ATP6V0A2: variants seen among roughly 807,000 people sequenced by gnomAD.
ATP6V0A2 encodes the protein ATPase H+ transporting V0 subunit a2.
In ATP6V0A2, 58 loss-of-function variants were observed where a neutral mutation model predicts 104.4. The ratio of observed to expected loss-of-function variants is 0.56; its 90% CI spans 0.45 to 0.69. ATP6V0A2 has a LOEUF of 0.69. ATP6V0A2 is among the 30% of genes least tolerant of loss of function. The pLI, the probability that ATP6V0A2 is intolerant of heterozygous loss-of-function variation, is 0.00. For missense variants in ATP6V0A2, 938 were observed against 1,062.9 expected (o/e 0.88, Z 1.63); for synonymous variants, 376 against 397.9 (o/e 0.95, Z 0.65).
chr12:123,751,425 C>T (rs1383343183), intron 16 of ATP6V0A2, among the ~76,000 whole-genome samples, 196 bp downstream of exon 16: 1 of 152,040 alleles, frequency 6.6e-6, no homozygotes, highest in African/African-American at 2.4e-5. Context: ...GAGGCCAAAG[C>T]GGGCAGATCA....
intron 7 of ATP6V0A2, among the ~76,000 whole-genome samples, chr12:123,734,728 G>A (rs1301428899): frequency 6.6e-6 from 1 of 152,168 alleles, no homozygotes; most frequent in Non-Finnish European, 1.5e-5. Flanking sequence ...AGCTTGCCTT[G>A]TTTCTTGCAG....
Position 123,744,874 on chromosome 12 carries a change from T to C in ATP6V0A2, c.1515-8T>C. 1 of 1,614,140 alleles carries C rather than the reference T, an allele frequency of 6.2e-7. No individual in the cohort carries two copies. The highest frequency in any genetic ancestry group is 8.5e-7 in the Non-Finnish European group (1 of 1,180,012). On this transcript the variant is annotated splice_polypyrimidine_tract_variant and splice_region_variant and intron_variant, in intron 12 of 19. Transcript: ENST00000330342. This position sits in a 1 kb window ranked among gnomAD's most constrained non-coding sequence, Gnocchi z 5.4. ...AGGTCAGCCTCCTCACTCTGCTTTT[T>C]GTTACAGTGACAGCGTCGTTAGACA...
At chr12:123,734,905 C>T (rs566995434) in intron 7 of ATP6V0A2, among the ~76,000 whole-genome samples, 1 of 152,298 alleles carries the variant, frequency 6.6e-6, no homozygotes, top group African/African-American at 2.4e-5. Flanking sequence ...CCCATGATTT[C>T]ACAGATATTG....
At position 123,744,088 on chromosome 12, in the gene ATP6V0A2, C is replaced by G; in HGVS notation, c.1190-113C>G. The G allele has an allele frequency of 6.5e-7, 1 of 1,546,456 alleles. No homozygotes were observed. Among genetic ancestry groups the G allele is most frequent in the Non-Finnish European group, 8.9e-7 (1 of 1,120,532 alleles). On this transcript the variant is annotated intron_variant, in intron 10 of 19. Transcript: ENST00000330342. This position sits in a 1 kb window ranked among gnomAD's most constrained non-coding sequence, Gnocchi z 5.4. ...AGGTTTTAAATGTAACCACACAATC[C>G]TATCTTGTGAATTCTGGAGAAAGTC...
intron 9 of ATP6V0A2, among the ~76,000 whole-genome samples, chr12:123,742,937 C>T (rs1446785502): frequency 1.3e-5 from 2 of 152,096 alleles, no homozygotes; most frequent in Non-Finnish European, 2.9e-5. Context: ...CAATATAATG[C>T]ATTTCAGAAG....
chr12:123,743,993 C>A (rs1163993631), intron 10 of ATP6V0A2, 58 bp downstream of exon 10: 1 of 1,594,778 alleles, frequency 6.3e-7, no homozygotes, highest in Non-Finnish European at 8.6e-7. Flanking sequence ...CATTCTTGCT[C>A]TAAGAATGGA....
chr12:123,743,927 TC>T lies in ATP6V0A2; in HGVS notation c.1182del (p.Asn395IlefsTer16). ...TATGGAGTCGGAAGCTACAGAGAAGTCAATCCAGGTTGGAAGTCTGATTTGT... is the reference window on the plus strand; with the variant it reads ...TATGGAGTCGGAAGCTACAGAGAAGTAATCCAGGTTGGAAGTCTGATTTGT... ...DAYGVGSYRE[V>X]NPALFTIITF... On this transcript the variant is annotated frameshift_variant, in exon 10 of 20. Coordinates refer to ENST00000330342, the MANE Select transcript of ATP6V0A2 (RefSeq NM_012463.4). LOFTEE classifies it high-confidence loss of function. 6.2e-7 allele frequency: 1 copy of T among 1,614,148 alleles called. No homozygotes were observed. The highest frequency in any genetic ancestry group is 8.5e-7 in the Non-Finnish European group (1 of 1,180,020).
At position 123,712,367 on chromosome 12, in the gene ATP6V0A2, TGCTGTGGCGGCA is replaced by T. The variant is rs925151345; in HGVS notation, c.-194_-183del. ...GGCTTGGGGGCGGGACCTCGCGGAC[TGCTGTGGCGGCA>T]GCTGGAGCGGCGGCCGCGGTGGCAG... On this transcript the variant is annotated 5_prime_UTR_variant, in exon 1 of 20. Coordinates refer to ENST00000330342, the MANE Select transcript of ATP6V0A2 (RefSeq NM_012463.4). 1 of 338,112 alleles carries T rather than the reference TGCTGTGGCGGCA, an allele frequency of 3.0e-6. No individual in the cohort carries two copies. Among genetic ancestry groups the T allele is most frequent in the Non-Finnish European group, 5.3e-6 (1 of 189,598 alleles). The allele number at this position is 338,112 out of a possible 1,614,324, so 20.9% of individuals were successfully genotyped here.
intron 2 of ATP6V0A2, among the ~76,000 whole-genome samples, chr12:123,719,177 G>A (rs886757246): frequency 6.6e-6 from 1 of 152,174 alleles, no homozygotes; most frequent in Non-Finnish European, 1.5e-5. Flanking sequence ...TAGAGTGATT[G>A]ACAATAATTT....
intron 14 of ATP6V0A2, among the ~76,000 whole-genome samples, chr12:123,748,121 G>A (rs1038554645): frequency 6.6e-6 from 1 of 152,086 alleles, no homozygotes; most frequent in African/African-American, 2.4e-5. Context: ...CTTTATTAGA[G>A]CTAGTATATG....
intron 1 of ATP6V0A2, among the ~76,000 whole-genome samples, chr12:123,713,718 A>G (rs1196604555): frequency 6.6e-6 from 1 of 151,928 alleles, no homozygotes; most frequent in Non-Finnish European, 1.5e-5. Context: ...TGGAAGGGAG[A>G]CCGTGAAGCA....
rs200463200 is a variant in ATP6V0A2, at chr12:123,737,248, C to T, written c.1015C>T (p.Arg339Cys). ...WCPEADLQDL[R>C]RALEEGSRES... ...TCCCGAGGCGGATCTGCAGGACCTG[C>T]GCCGGGCACTGGAGGAGGGCTCGGT... The change falls in exon 9 of 20, where the codon CGC (arginine) becomes TGC (cysteine). Residue 339 changes from arginine (R) to cysteine (C), a missense_variant. Physicochemically the swap from Arg to Cys is radical, Grantham distance 180 (BLOSUM62 -3). Coordinates refer to ENST00000330342, the MANE Select transcript of ATP6V0A2 (RefSeq NM_012463.4). 157 of 1,614,018 alleles carry T rather than the reference C, an allele frequency of 9.7e-5. No homozygotes were observed. Among genetic ancestry groups the T allele is most frequent in the Admixed American group, 2.7e-4 (16 of 59,998 alleles).
At chr12:123,718,999 A>ATCATCGTTT (rs1189848315) in intron 2 of ATP6V0A2, among the ~76,000 whole-genome samples, 1 of 152,166 alleles carries the variant, frequency 6.6e-6, no homozygotes, top group East Asian at 1.9e-4. Flanking sequence ...ATATTTACCC[A>ATCATCGTTT]TCATCGTTTT....
intron 18 of ATP6V0A2, among the ~76,000 whole-genome samples, chr12:123,755,675 CTT>C (rs746133867): frequency 5.6e-5 from 8 of 143,664 alleles, no homozygotes; most frequent in Non-Finnish European, 4.6e-5. Flanking sequence ...CCCTAATAAA[CTT>C]TTTTTTTTTT....
chr12:123,736,144 A>C (rs1956551065), intron 8 of ATP6V0A2, among the ~76,000 whole-genome samples: 1 of 146,558 alleles, frequency 6.8e-6, no homozygotes, highest in South Asian at 2.2e-4. Context: ...AAGTGCTGGG[A>C]TTACAGGTGT....
intron 2 of ATP6V0A2, among the ~76,000 whole-genome samples, chr12:123,719,867 G>C (rs1956381858): frequency 6.6e-6 from 1 of 152,092 alleles, no homozygotes; most frequent in Admixed American, 6.6e-5. Flanking sequence ...CCTCCTGTAA[G>C]TTCCTTCATT....
intron 3 of ATP6V0A2, chr12:123,724,124 C>G (rs1406060572): frequency 6.6e-6 from 1 of 152,060 alleles, no homozygotes; most frequent in African/African-American, 2.4e-5. Context: ...GAGTCTTGCT[C>G]TGTCACCCAA....
chr12:123,745,021 C>G, intron 13 of ATP6V0A2, 49 bp downstream of exon 13: 1 of 1,566,522 alleles, frequency 6.4e-7, no homozygotes, highest in Non-Finnish European at 8.8e-7. Flanking sequence ...TGTGGTGCCA[C>G]CTAGCTTCGG....
chr12:123,755,215 A>G (rs929627410), intron 18 of ATP6V0A2, among the ~76,000 whole-genome samples: 1 of 152,124 alleles, frequency 6.6e-6, no homozygotes, highest in African/African-American at 2.4e-5. Context: ...CAAAGGGTGC[A>G]ATGTTGCAAG....
Sources: allele counts gnomAD v4.1 joint callset (sites outside exome capture counted in the v4.1 genomes callset), GRCh38; gene constraint gnomAD v4.1.1; non-coding constraint Gnocchi (gnomAD v3.1); transcripts MANE v1.5; gene names NCBI Gene and HGNC (gene_info 2026-07-23, HGNC 2026-07-21).